RBFOX3: variants seen among roughly 807,000 people sequenced by gnomAD.
RBFOX3 encodes the protein RNA binding fox-1 homolog 3.
A neutral mutation model predicts 48.7 loss-of-function variants in RBFOX3; 17 were observed. The ratio of observed to expected loss-of-function variants is 0.35; its 90% confidence interval spans 0.24 to 0.52. The LOEUF (loss-of-function observed/expected upper bound fraction) is 0.52. RBFOX3 is among the 20% of genes least tolerant of loss of function. RBFOX3 has a pLI of 0.94. For missense variants in RBFOX3, 382 were observed against 497.5 expected, an observed-to-expected ratio of 0.77 and a Z score of 2.21; for synonymous variants, 212 against 209.5, an observed-to-expected ratio of 1.01 and a Z score of -0.10.
intron 4 of RBFOX3, among the ~76,000 whole-genome samples, chr17:79,147,964 C>A (rs1254192301): frequency 6.6e-6 from 1 of 152,254 alleles, no homozygotes; most frequent in Non-Finnish European, 1.5e-5. Flanking sequence ...GTGAATATTT[C>A]ATTACCCAAA....
At chr17:79,136,783 C>G (rs1414529252) in intron 4 of RBFOX3, among the ~76,000 whole-genome samples, 1 of 152,192 alleles carries the variant, frequency 6.6e-6, no homozygotes, top group African/African-American at 2.4e-5. Context: ...GGCCAGCTCT[C>G]ATCTGAGCCT....
At chr17:79,572,207 A>T (rs1232210262) in intron 1 of RBFOX3, among the ~76,000 whole-genome samples, 1 of 152,020 alleles carries the variant, frequency 6.6e-6, no homozygotes, top group East Asian at 1.9e-4. Flanking sequence ...CCCCTAACAC[A>T]CCTGCTGCCC....
At position 79,363,584 on chromosome 17, in the gene RBFOX3, G is replaced by C. The variant is rs2057304667; in HGVS notation, c.-174-55760C>G. Among the ~76,000 whole-genome samples the C allele has an allele frequency of 6.6e-6, 1 of 151,910 alleles. No individual in the cohort carries two copies. Among genetic ancestry groups the C allele is most frequent in the African/African-American group, 2.4e-5 (1 of 41,302 alleles). ...CTGTTCCTGCCCAGCTTCCCTGGGG[G>C]GTCTCCGCGAGCAACATACCTCTTA... On this transcript the variant is annotated intron_variant, in intron 2 of 14. Coordinates refer to ENST00000693108, the MANE Select transcript of RBFOX3 (RefSeq NM_001350451.2). The surrounding 1 kb of genome is among the most constrained non-coding windows in gnomAD (Gnocchi z 4.7).
intron 1 of RBFOX3, among the ~76,000 whole-genome samples, chr17:79,538,040 A>G (rs2089120770): frequency 6.6e-6 from 1 of 151,910 alleles, no homozygotes. Flanking sequence ...CGTACTCAGG[A>G]CTCTGGAGCC....
chr17:79,345,398 C>T (rs1389428818), intron 2 of RBFOX3, among the ~76,000 whole-genome samples: 1 of 152,116 alleles, frequency 6.6e-6, no homozygotes, highest in Non-Finnish European at 1.5e-5. Flanking sequence ...AGTTTTATTG[C>T]TCTGTTCATA....
intron 4 of RBFOX3, among the ~76,000 whole-genome samples, chr17:79,139,344 CTA>C (rs1415390882): frequency 6.6e-6 from 1 of 152,184 alleles, no homozygotes; most frequent in Non-Finnish European, 1.5e-5. Context: ...TGCCAGGTGA[CTA>C]TGTCTCCAGG....
chr17:79,240,822 C>A (rs1411474541), intron 3 of RBFOX3, among the ~76,000 whole-genome samples: 1 of 152,106 alleles, frequency 6.6e-6, no homozygotes, highest in Admixed American at 6.5e-5. Flanking sequence ...CGCCACCACA[C>A]CCAGCTAATT....
intron 1 of RBFOX3, among the ~76,000 whole-genome samples, chr17:79,570,930 C>T (rs2092654537): frequency 6.6e-6 from 1 of 152,160 alleles, no homozygotes; most frequent in Admixed American, 6.5e-5. Context: ...CTGTAAACCA[C>T]AGATAAGAGA....
chr17:79,417,457 G>A lies in RBFOX3; in HGVS notation c.-175+64997C>T, dbSNP rs181627549. On this transcript the variant is annotated intron_variant, in intron 2 of 14. Coordinates refer to ENST00000693108, the MANE Select transcript of RBFOX3 (RefSeq NM_001350451.2). ...ATGTTGAAAAGTAGCTGTTCCCCAC[G>A]GCCTTTCTTTCTCAGAGGAACATGC... 2.2e-4 allele frequency among the ~76,000 whole-genome samples: 33 copies of A among 152,290 alleles called. No homozygotes were observed. In the South Asian group the frequency reaches 4.6e-3, roughly 21 times the overall value.
In RBFOX3 at chr17:79,492,319, CCT is replaced by C. The variant is rs1491456918; in HGVS notation, c.-319-9723_-319-9722del. On this transcript the variant is annotated intron_variant, in intron 1 of 14. Transcript: ENST00000693108. ...CCAGACACCCCCTGGTGTCACCTCCCCTGTCATACCAGCACTGGTCTGTGTGA... is the reference window on the plus strand; with the variant it reads ...CCAGACACCCCCTGGTGTCACCTCCCGTCATACCAGCACTGGTCTGTGTGA... Among the ~76,000 whole-genome samples, 1,177 of 152,338 alleles carry C rather than the reference CCT, an allele frequency of 7.7e-3. 11 individuals carry two copies. Among genetic ancestry groups the C allele is most frequent in the African/African-American group, 0.026 (1,088 of 41,572 alleles).
the RBFOX3 span, among the ~76,000 whole-genome samples, chr17:79,624,047 G>A: frequency 1.3e-5 from 2 of 152,190 alleles, no homozygotes; most frequent in African/African-American, 4.8e-5. Context: ...AGGGAATGCA[G>A]CCTTTCTGCA....
chr17:79,326,652 C>T (rs2079377099), intron 2 of RBFOX3, among the ~76,000 whole-genome samples: 1 of 152,158 alleles, frequency 6.6e-6, no homozygotes, highest in Non-Finnish European at 1.5e-5. Flanking sequence ...CTGGGCACTC[C>T]CTGCCAGAGG....
intron 3 of RBFOX3, among the ~76,000 whole-genome samples, chr17:79,284,801 A>G (rs530803961): frequency 1.5e-4 from 23 of 152,162 alleles, no homozygotes; most frequent in African/African-American, 4.3e-4. Context: ...CGGCCTCCCA[A>G]AGTGCTGGGA....
intron 2 of RBFOX3, among the ~76,000 whole-genome samples, chr17:79,438,377 G>T (rs1338165793): frequency 6.6e-6 from 1 of 152,196 alleles, no homozygotes; most frequent in Admixed American, 6.5e-5. Flanking sequence ...TTCATGGAAG[G>T]ATCAAGGAGG....
At chr17:79,187,257 T>G (rs2053593689) in intron 4 of RBFOX3, among the ~76,000 whole-genome samples, 1 of 152,128 alleles carries the variant, frequency 6.6e-6, no homozygotes, top group Non-Finnish European at 1.5e-5. Context: ...AACTCCACAC[T>G]CCCTTTAGGG....
chr17:79,655,023 A>G, the RBFOX3 span, among the ~76,000 whole-genome samples: 1 of 152,226 alleles, frequency 6.6e-6, no homozygotes, highest in Non-Finnish European at 1.5e-5. Flanking sequence ...TGCCATTAGC[A>G]CGAGTCTGAG....
the RBFOX3 span, among the ~76,000 whole-genome samples, chr17:79,660,932 T>C: frequency 3.9e-5 from 6 of 152,134 alleles, no homozygotes; most frequent in Admixed American, 2.6e-4. Context: ...ATATATACCA[T>C]GGAATATTAT....
intron 2 of RBFOX3, among the ~76,000 whole-genome samples, chr17:79,327,153 A>G (rs961048692): frequency 1.3e-5 from 2 of 152,130 alleles, no homozygotes; most frequent in Non-Finnish European, 2.9e-5. Flanking sequence ...CTTCCCCACA[A>G]GGCTCTCCCT....
chr17:79,347,380 CT>C lies in RBFOX3; in HGVS notation c.-174-39557del, dbSNP rs1450215038. On this transcript the variant is annotated intron_variant, in intron 2 of 14. Transcript: ENST00000693108. ...CCTCTTCAACCTGGGCTCTTTCATC[CT>C]TTTTCTTTAAATCCCATTGATTTTA... Among the ~76,000 whole-genome samples the C allele has an allele frequency of 1.8e-4, 27 of 152,206 alleles. 1 individual carries two copies. The South Asian group carries it at 2.5e-3, about 14-fold the overall frequency.
Sources: gnomAD v4.1 joint callset for allele counts (sites outside exome capture counted in the v4.1 genomes callset) on GRCh38, gnomAD v4.1.1 for gene constraint, Gnocchi (gnomAD v3.1) non-coding constraint, MANE v1.5 for transcripts, NCBI Gene and HGNC (gene_info 2026-07-23, HGNC 2026-07-21) for gene names.